TCERG1L: variants seen among roughly 807,000 people sequenced by gnomAD.
TCERG1L encodes transcription elongation regulator 1 like.
A neutral mutation model predicts 56.3 loss-of-function variants in TCERG1L; 37 were observed. The observed-to-expected ratio is 0.66, with a 90% CI of 0.51 to 0.87. TCERG1L has a LOEUF of 0.87. Ranked by LOEUF, TCERG1L falls within the 40% of genes least tolerant of loss-of-function variation. The pLI, the probability that TCERG1L is intolerant of heterozygous loss-of-function variation, is 0.00. For missense variants in TCERG1L, 799 were observed against 774.2 expected, an observed-to-expected ratio of 1.03 and a Z score of -0.38; for synonymous variants, 324 against 326.3, an observed-to-expected ratio of 0.99 and a Z score of 0.08.
intron 11 of TCERG1L, chr10:131,095,684 T>C (rs1335680759): frequency 6.6e-6 from 1 of 152,214 alleles, no homozygotes. Flanking sequence ...TTAAAATAAT[T>C]TGCTACATTA....
intron 4 of TCERG1L, among the ~76,000 whole-genome samples, chr10:131,180,471 T>C (rs1433107008): frequency 6.6e-6 from 1 of 152,246 alleles, no homozygotes; most frequent in African/African-American, 2.4e-5. Context: ...GAGGACATTG[T>C]ATTTTTACGT....
chr10:131,116,155 G>C (rs898048499), intron 9 of TCERG1L, among the ~76,000 whole-genome samples: 1 of 152,218 alleles, frequency 6.6e-6, no homozygotes, highest in Non-Finnish European at 1.5e-5. Context: ...AGCAGGAAAT[G>C]ATAGTCATTG....
At chr10:131,222,655 T>C (rs1845746378) in intron 4 of TCERG1L, among the ~76,000 whole-genome samples, 1 of 152,214 alleles carries the variant, frequency 6.6e-6, no homozygotes, top group African/African-American at 2.4e-5. Context: ...AGTGAGGGTA[T>C]GGCCGAGCCT....
intron 3 of TCERG1L, among the ~76,000 whole-genome samples, chr10:131,268,906 C>T (rs1846310541): frequency 6.6e-6 from 1 of 152,136 alleles, no homozygotes; most frequent in Admixed American, 6.5e-5. Flanking sequence ...TAAAATTTTC[C>T]CCACATCAGC....
intron 4 of TCERG1L, among the ~76,000 whole-genome samples, chr10:131,177,812 C>T (rs915428974): frequency 6.6e-6 from 1 of 151,324 alleles, no homozygotes; most frequent in Admixed American, 6.6e-5. Context: ...TGGATCGATG[C>T]CCCCCATGTC....
intron 3 of TCERG1L, among the ~76,000 whole-genome samples, chr10:131,307,623 AC>A (rs1314557599): frequency 6.6e-6 from 1 of 152,186 alleles, no homozygotes; most frequent in African/African-American, 2.4e-5. Context: ...TTCCCCTGTT[AC>A]TATATAGGTT....
At chr10:131,099,088 C>T (rs1218815965) in intron 10 of TCERG1L, among the ~76,000 whole-genome samples, 1 of 152,184 alleles carries the variant, frequency 6.6e-6, no homozygotes, top group African/African-American at 2.4e-5. Flanking sequence ...AACAACTGGC[C>T]AGGAGGCCTG....
intron 4 of TCERG1L, among the ~76,000 whole-genome samples, chr10:131,199,282 C>T (rs960392122): frequency 6.6e-6 from 1 of 152,214 alleles, no homozygotes; most frequent in Admixed American, 6.5e-5. Flanking sequence ...CCTGGCCAGA[C>T]AGAGGATGTT....
chr10:131,125,369 C>CT (rs1413209574), intron 8 of TCERG1L, among the ~76,000 whole-genome samples: 3 of 152,118 alleles, frequency 2.0e-5, no homozygotes, highest in African/African-American at 7.2e-5. Flanking sequence ...AGAAACTGTT[C>CT]TTTCTTCCAG....
At chr10:131,270,062 T>C (rs1564830280) in intron 3 of TCERG1L, among the ~76,000 whole-genome samples, 1 of 152,152 alleles carries the variant, frequency 6.6e-6, no homozygotes, top group African/African-American at 2.4e-5. Context: ...GAGCCCAGTG[T>C]TGGGAAGAAG....
At chr10:131,169,273 G>A (rs1196663120) in intron 4 of TCERG1L, among the ~76,000 whole-genome samples, 1 of 150,066 alleles carries the variant, frequency 6.7e-6, no homozygotes, top group Non-Finnish European at 1.5e-5. Flanking sequence ...CAAGCAGATG[G>A]GGACACAGCC....
intron 3 of TCERG1L, among the ~76,000 whole-genome samples, chr10:131,307,600 T>C (rs1453474684): frequency 6.6e-6 from 1 of 152,234 alleles, no homozygotes; most frequent in East Asian, 1.9e-4. Flanking sequence ...TAAAAATTCA[T>C]AAGATGATTA....
In TCERG1L at chr10:131,260,188, G is replaced by T. The variant is rs1589764600; in HGVS notation, c.856+71C>A. On this transcript the variant is annotated intron_variant, in intron 4 of 11. Transcript: ENST00000368642. This position sits in a 1 kb window ranked among gnomAD's most constrained non-coding sequence, Gnocchi z 5.8. ...CACAGCGCCTGGGCCCAGGCCAGGG[G>T]CATCTAACCAGGAAGCCTCCGCGCG... 9 of 1,269,228 alleles carry T rather than the reference G, an allele frequency of 7.1e-6. No individual in the cohort carries two copies. In the South Asian group the frequency reaches 2.7e-4, roughly 37 times the overall value. The allele number at this position is 1,269,228 out of a possible 1,614,324, so 78.6% of individuals were successfully genotyped here. A position where few individuals can be genotyped will look rare whatever the true frequency, so the allele number is the denominator to read the frequency against.
intron 8 of TCERG1L, among the ~76,000 whole-genome samples, chr10:131,123,404 A>T (rs1845532447): frequency 6.6e-6 from 1 of 152,066 alleles, no homozygotes; most frequent in Non-Finnish European, 1.5e-5. Context: ...AGAGGTGAGG[A>T]GCCCTGGGGG....
At chr10:131,227,724 A>T (rs1845807854) in intron 4 of TCERG1L, among the ~76,000 whole-genome samples, 1 of 140,398 alleles carries the variant, frequency 7.1e-6, no homozygotes, top group Admixed American at 7.2e-5. Context: ...GACATGAGCA[A>T]AGAACCCAAG....
At chr10:131,228,956 C>T (rs1324222601) in intron 4 of TCERG1L, among the ~76,000 whole-genome samples, 1 of 79,014 alleles carries the variant, frequency 1.3e-5, no homozygotes, top group Non-Finnish European at 2.5e-5. Flanking sequence ...TCCAGACAGG[C>T]ATTTCCTCAA....
chr10:131,299,448 T>C (rs1846734717), intron 3 of TCERG1L, among the ~76,000 whole-genome samples: 1 of 148,088 alleles, frequency 6.8e-6, no homozygotes, highest in Non-Finnish European at 1.5e-5. Flanking sequence ...TATAACTCTT[T>C]TCACAGTTTT....
intron 8 of TCERG1L, among the ~76,000 whole-genome samples, chr10:131,131,161 C>A (rs181640206): frequency 6.6e-6 from 1 of 152,258 alleles, no homozygotes; most frequent in East Asian, 1.9e-4. Context: ...TGATTCGAGC[C>A]GCGGTGTCCA....
chr10:131,212,610 G>A (rs1845630740), intron 4 of TCERG1L, among the ~76,000 whole-genome samples: 1 of 152,158 alleles, frequency 6.6e-6, no homozygotes, highest in Non-Finnish European at 1.5e-5. Context: ...TGCTTTGAAG[G>A]GTCTTAGGTA....
Sources: gnomAD v4.1 joint callset for allele counts (sites outside exome capture counted in the v4.1 genomes callset) on GRCh38, gnomAD v4.1.1 for gene constraint, Gnocchi (gnomAD v3.1) non-coding constraint, MANE v1.5 for transcripts, NCBI Gene and HGNC (gene_info 2026-07-23, HGNC 2026-07-21) for gene names.